ASPRV1: variants seen among roughly 807,000 people sequenced by gnomAD.
The protein encoded by ASPRV1 is retroviral-like aspartic protease 1.
A neutral mutation model predicts 11.0 loss-of-function variants in ASPRV1; 7 were observed. The ratio of observed to expected loss-of-function variants is 0.64; its 90% CI spans 0.36 to 1.20. The LOEUF is 1.20. Among genes scored for constraint, ASPRV1 ranks in the 50% most tolerant of loss-of-function variants. ASPRV1 has a pLI of 0.02. For missense variants in ASPRV1, 299 were observed against 320.0 expected (o/e 0.93, Z 0.50); for synonymous variants, 136 against 138.4 (o/e 0.98, Z 0.12).
chr2:70,066,436 A>C, the ASPRV1 span, among the ~76,000 whole-genome samples: 5 of 151,520 alleles, frequency 3.3e-5, no homozygotes, highest in Non-Finnish European at 5.9e-5. Context: ...ATGGGGTTTC[A>C]CCATGTTGGC....
the ASPRV1 span, among the ~76,000 whole-genome samples, chr2:70,017,785 A>G: frequency 6.6e-6 from 1 of 152,220 alleles, no homozygotes; most frequent in Non-Finnish European, 1.5e-5. Context: ...TTTATATACA[A>G]TAACAACGAA....
chr2:69,995,795 G>A, the ASPRV1 span, among the ~76,000 whole-genome samples: 2 of 152,152 alleles, frequency 1.3e-5, no homozygotes, highest in South Asian at 2.1e-4. Context: ...ACTAGACACC[G>A]CCTTCTCATG....
the ASPRV1 span, among the ~76,000 whole-genome samples, chr2:69,972,218 C>A: frequency 6.6e-6 from 1 of 151,020 alleles, no homozygotes; most frequent in African/African-American, 2.4e-5. Context: ...CCCACCACCA[C>A]GCCTGGCTAA....
At chr2:70,051,911 T>G in the ASPRV1 span, among the ~76,000 whole-genome samples, 34,527 of 151,768 alleles carry the variant, frequency 0.23, 6,941 homozygotes, top group African/African-American at 0.51. Flanking sequence ...GGAGGTAAAG[T>G]TTGCAGTGAG....
the ASPRV1 span, chr2:70,085,947 G>A: frequency 6.6e-6 from 1 of 152,214 alleles, no homozygotes; most frequent in Non-Finnish European, 1.5e-5. Context: ...TTAAACAGAG[G>A]TTTCTAAATG....
At position 69,960,695 on chromosome 2, in the gene ASPRV1, G is replaced by T. The variant is rs764452147; in HGVS notation, c.742C>A (p.Pro248Thr). The change falls in exon 1 of 1, where the codon CCC (proline) becomes ACC (threonine). Residue 248 changes from proline to threonine, a missense_variant. By Grantham distance (38) the Pro-to-Thr change is conservative. Coordinates refer to ENST00000320256, the MANE Select transcript of ASPRV1 (RefSeq NM_152792.4). The part of the protein sequence containing the change: ...EFDLELIEED[P>T]SSEEGRQELS... ...TCCTGCCGCCCTTCTTCTGAGGAGGGGTCCTCCTCTATGAGCTCCAGGTCA... is the reference window on the plus strand; with the variant it reads ...TCCTGCCGCCCTTCTTCTGAGGAGGTGTCCTCCTCTATGAGCTCCAGGTCA... 27 of 1,613,924 alleles carry T rather than the reference G, an allele frequency of 1.7e-5. No individual in the cohort carries two copies. Among genetic ancestry groups the T allele is most frequent in the East Asian group, 2.2e-5 (1 of 44,872 alleles).
At chr2:70,084,627 CT>C in the ASPRV1 span, among the ~76,000 whole-genome samples, 1 of 152,094 alleles carries the variant, frequency 6.6e-6, no homozygotes, top group Non-Finnish European at 1.5e-5. Flanking sequence ...ATAATGTGTC[CT>C]TTTTATATAT....
At chr2:70,057,928 G>T in the ASPRV1 span, among the ~76,000 whole-genome samples, 1 of 151,994 alleles carries the variant, frequency 6.6e-6, no homozygotes, top group Admixed American at 6.6e-5. Context: ...CGAGTAGCTG[G>T]GACTACAGGC....
chr2:69,946,589 G>A, the ASPRV1 span, among the ~76,000 whole-genome samples: 1 of 152,184 alleles, frequency 6.6e-6, no homozygotes, highest in African/African-American at 2.4e-5. Context: ...GAGAACGTTC[G>A]AACACTGTCT....
the ASPRV1 span, among the ~76,000 whole-genome samples, chr2:70,078,380 G>A: frequency 5.9e-5 from 9 of 152,158 alleles, no homozygotes; most frequent in African/African-American, 4.8e-5. Flanking sequence ...AATGAACAAT[G>A]AATGAATAAA....
the ASPRV1 span, among the ~76,000 whole-genome samples, chr2:69,987,465 G>T: frequency 1.3e-5 from 2 of 151,478 alleles, no homozygotes; most frequent in Non-Finnish European, 2.9e-5. Flanking sequence ...AAAAAAATCA[G>T]TTCGGGGTGG....
At chr2:69,972,872 T>C in the ASPRV1 span, among the ~76,000 whole-genome samples, 2 of 152,022 alleles carry the variant, frequency 1.3e-5, no homozygotes, top group African/African-American at 4.8e-5. Flanking sequence ...TTTTCTTCAC[T>C]TCTCATCCCT....
the ASPRV1 span, among the ~76,000 whole-genome samples, chr2:69,974,204 G>A: frequency 2.6e-5 from 4 of 152,144 alleles, no homozygotes; most frequent in South Asian, 8.3e-4. Context: ...AGGCATGGTG[G>A]TGCATGCCTG....
At chr2:69,991,794 C>T in the ASPRV1 span, among the ~76,000 whole-genome samples, 3 of 152,192 alleles carry the variant, frequency 2.0e-5, no homozygotes, top group East Asian at 1.9e-4. Flanking sequence ...AATCCGCCCA[C>T]CTCGGCCTCC....
chr2:69,992,924 A>G, the ASPRV1 span, among the ~76,000 whole-genome samples: 1 of 152,212 alleles, frequency 6.6e-6, no homozygotes, highest in Admixed American at 6.5e-5. Context: ...CCTGGGCCCC[A>G]CTGCCTTCTA....
At chr2:69,945,554 A>G in the ASPRV1 span, among the ~76,000 whole-genome samples, 1 of 152,228 alleles carries the variant, frequency 6.6e-6, no homozygotes, top group East Asian at 1.9e-4. Context: ...TGTTGCCCAG[A>G]GGAAAGGGAA....
At chr2:69,987,718 C>T in the ASPRV1 span, among the ~76,000 whole-genome samples, 13 of 152,114 alleles carry the variant, frequency 8.5e-5, no homozygotes, top group African/African-American at 3.1e-4. Context: ...CCACTGCACT[C>T]CAGCCTGCAC....
the ASPRV1 span, chr2:70,085,441 A>C: frequency 1.3e-5 from 2 of 152,230 alleles, no homozygotes; most frequent in Non-Finnish European, 1.5e-5. Flanking sequence ...GCACAACAAA[A>C]GATTACCTGA....
the ASPRV1 span, among the ~76,000 whole-genome samples, chr2:69,946,388 C>T: frequency 5.6e-4 from 86 of 152,238 alleles, 2 homozygotes; most frequent in South Asian, 3.9e-3. Flanking sequence ...TTAACACCCT[C>T]GGTGACCCCA....
Sources: allele counts gnomAD v4.1 joint callset (sites outside exome capture counted in the v4.1 genomes callset), GRCh38; gene constraint gnomAD v4.1.1; transcripts MANE v1.5; gene names NCBI Gene and HGNC (gene_info 2026-07-23, HGNC 2026-07-21).